Variants in RORB observed in about 807,000 individuals in gnomAD.
RORB encodes the protein nuclear receptor ROR-beta.
A neutral mutation model predicts 59.1 loss-of-function variants in RORB; 6 were observed. The observed-to-expected ratio is 0.10, with a 90% CI of 0.06 to 0.20. The LOEUF (loss-of-function observed/expected upper bound fraction) is 0.20. Among genes scored for constraint, RORB ranks in the 10% least tolerant of loss-of-function variants. The pLI, the probability that RORB is intolerant of heterozygous loss-of-function variation, is 1.00. For missense variants in RORB, 320 were observed against 560.5 expected, an observed-to-expected ratio of 0.57 and a Z score of 4.33; for synonymous variants, 215 against 204.5, an observed-to-expected ratio of 1.05 and a Z score of -0.44.
chr9:74,610,085 A>G (rs1377611437), intron 1 of RORB, among the ~76,000 whole-genome samples: 1 of 152,210 alleles, frequency 6.6e-6, no homozygotes, highest in Non-Finnish European at 1.5e-5. Context: ...AGCGTCTCAC[A>G]TTACTGATGA....
chr9:74,502,567 C>A (rs934969155), intron 1 of RORB, among the ~76,000 whole-genome samples: 6 of 151,990 alleles, frequency 3.9e-5, no homozygotes, highest in African/African-American at 1.4e-4. Context: ...GAATAATACA[C>A]CTCTAATTTA....
rs1475696868 is a variant in RORB at position 74,690,514 on chromosome 9, T to C, written c.*4896T>C. On this transcript the variant is annotated 3_prime_UTR_variant, in exon 10 of 10. Coordinates refer to ENST00000376896, the MANE Select transcript of RORB (RefSeq NM_006914.4). ...ACATGATGGCAGTTGATTCAGAGCT[T>C]AGTGCAGACCAAACAAATACATCAC... 3 of 152,172 alleles carry C rather than the reference T, an allele frequency of 2.0e-5. No individual in the cohort carries two copies. Among genetic ancestry groups the C allele is most frequent in the Non-Finnish European group, 4.4e-5 (3 of 68,050 alleles). 9.4% of individuals were successfully genotyped at this position (152,172 alleles called of 1,614,324 possible). A position where few individuals can be genotyped will look rare whatever the true frequency, so the allele number is the denominator to read the frequency against.
intron 1 of RORB, among the ~76,000 whole-genome samples, chr9:74,597,348 A>T (rs1019509109): frequency 4.6e-5 from 7 of 152,244 alleles, no homozygotes; most frequent in African/African-American, 1.7e-4. Flanking sequence ...TCTATAACTG[A>T]AAAGGAACAT....
chr9:74,567,512 C>T (rs1344936155), intron 1 of RORB, among the ~76,000 whole-genome samples: 1 of 152,062 alleles, frequency 6.6e-6, no homozygotes, highest in Non-Finnish European at 1.5e-5. Context: ...ATGGCAAGGA[C>T]AGAAAAGTCA....
chr9:74,554,311 G>A (rs1437345676), intron 1 of RORB, among the ~76,000 whole-genome samples: 1 of 152,118 alleles, frequency 6.6e-6, no homozygotes, highest in Non-Finnish European at 1.5e-5. Context: ...TCCCTTCTCT[G>A]CAATTGCAAC....
At chr9:74,618,748 T>A (rs1328387844) in intron 1 of RORB, among the ~76,000 whole-genome samples, 1 of 152,066 alleles carries the variant, frequency 6.6e-6, no homozygotes, top group African/African-American at 2.4e-5. Context: ...CTCGTGTGTG[T>A]GTGTATATGT....
At chr9:74,647,788 A>G (rs1000635344) in intron 4 of RORB, among the ~76,000 whole-genome samples, 2 of 152,250 alleles carry the variant, frequency 1.3e-5, no homozygotes, top group African/African-American at 4.8e-5. Flanking sequence ...TTAAGGCTAC[A>G]TAAAAATACA....
At chr9:74,669,621 T>C (rs1262333985) in intron 8 of RORB, among the ~76,000 whole-genome samples, 5 of 152,094 alleles carry the variant, frequency 3.3e-5, no homozygotes, top group Non-Finnish European at 2.9e-5. Flanking sequence ...CAGCTGTTGT[T>C]TGGTTACATT....
chr9:74,671,456 G>T (rs534402938), intron 8 of RORB, among the ~76,000 whole-genome samples: 3 of 152,046 alleles, frequency 2.0e-5, no homozygotes, highest in African/African-American at 7.2e-5. Context: ...TTCACAAATC[G>T]CTAACTTCTA....
In RORB at chr9:74,642,613, C is replaced by T. The variant is rs1452877829; in HGVS notation, c.435C>T (p.His145=). 3 of 1,613,964 alleles carry T rather than the reference C, an allele frequency of 1.9e-6. No homozygotes were observed. Among genetic ancestry groups the T allele is most frequent in the Non-Finnish European group, 2.5e-6 (3 of 1,179,960 alleles). The part of the protein sequence containing the change: ...NETSGTYANG[H]VIDLPKSEGY... ...CCAGCGGCACTTATGCCAACGGGCACGTCATTGACCTGCCCAAGTCTGAGG... is the reference window on the plus strand; with the variant it reads ...CCAGCGGCACTTATGCCAACGGGCATGTCATTGACCTGCCCAAGTCTGAGG... Residue 145 remains histidine, a synonymous_variant, in exon 4 of 10, where the codon CAC becomes CAT. Transcript: ENST00000376896.
At chr9:74,563,112 G>A (rs1822421048) in intron 1 of RORB, among the ~76,000 whole-genome samples, 1 of 150,666 alleles carries the variant, frequency 6.6e-6, no homozygotes, top group South Asian at 2.1e-4. Context: ...GTTGTTTTTA[G>A]CAACAGCTAA....
rs759984550 is a variant in RORB at position 74,685,756 on chromosome 9, G to A, written c.*138G>A. 5.5e-6 allele frequency: 3 copies of A among 549,476 alleles called. No homozygotes were observed. Among genetic ancestry groups the A allele is most frequent in the Non-Finnish European group, 5.8e-6 (2 of 347,494 alleles). The allele number at this position is 549,476 out of a possible 1,614,324, so 34.0% of individuals were successfully genotyped here. A position where few individuals can be genotyped will look rare whatever the true frequency, so the allele number is the denominator to read the frequency against. On this transcript the variant is annotated 3_prime_UTR_variant, in exon 10 of 10. Coordinates refer to ENST00000376896, the MANE Select transcript of RORB (RefSeq NM_006914.4). ...GCACTTAATAGAATTATTTTTCACC[G>A]CTACAGTTTGAAGAATGTAAATATG...
intron 1 of RORB, among the ~76,000 whole-genome samples, chr9:74,586,267 G>A (rs142022200): frequency 0.011 from 1,733 of 152,236 alleles, 15 homozygotes; most frequent in Non-Finnish European, 0.018. Context: ...GGAGGCCAAA[G>A]CAGGTGGATC....
At chr9:74,670,926 A>C (rs368899857) in intron 8 of RORB, among the ~76,000 whole-genome samples, 4 of 152,156 alleles carry the variant, frequency 2.6e-5, no homozygotes, top group African/African-American at 9.7e-5. Context: ...CCTGACCTGA[A>C]CTGTGTTCAG....
In RORB at chr9:74,615,857, C is replaced by T. The variant is rs558175472; in HGVS notation, c.8-14425C>T. Among the ~76,000 whole-genome samples the T allele has an allele frequency of 1.4e-4, 21 of 152,196 alleles. No individual in the cohort carries two copies. In the South Asian group the frequency reaches 3.7e-3, roughly 27 times the overall value. ...ATTTATATATAAATACTGTCATATC[C>T]TGGAGTGAACTACCAAATGCATAAG... On this transcript the variant is annotated intron_variant, in intron 1 of 9. Transcript: ENST00000376896.
At chr9:74,521,098 T>C (rs527708968) in intron 1 of RORB, among the ~76,000 whole-genome samples, 2 of 151,902 alleles carry the variant, frequency 1.3e-5, no homozygotes, top group Non-Finnish European at 2.9e-5. Flanking sequence ...TAAAACTTCA[T>C]TGTACCACTG....
At chr9:74,519,546 A>C (rs1461596327) in intron 1 of RORB, among the ~76,000 whole-genome samples, 1 of 152,012 alleles carries the variant, frequency 6.6e-6, no homozygotes, top group African/African-American at 2.4e-5. Flanking sequence ...TGTACAGAGA[A>C]TATTGATACT....
chr9:74,640,717 A>G (rs1047527876), intron 3 of RORB, among the ~76,000 whole-genome samples: 6 of 152,170 alleles, frequency 3.9e-5, no homozygotes, highest in African/African-American at 1.4e-4. Flanking sequence ...TGAATGCGAC[A>G]CTTGCATTTA....
chr9:74,661,574 T>C (rs1392937471), intron 5 of RORB, among the ~76,000 whole-genome samples: 1 of 151,426 alleles, frequency 6.6e-6, no homozygotes, highest in East Asian at 1.9e-4. Flanking sequence ...TGGGTGATTC[T>C]ACTGAACTTA....
Sources: allele counts gnomAD v4.1 joint callset (sites outside exome capture counted in the v4.1 genomes callset), GRCh38; gene constraint gnomAD v4.1.1; transcripts MANE v1.5; gene names NCBI Gene and HGNC (gene_info 2026-07-23, HGNC 2026-07-21).